Variants in TXNL4A observed in about 807,000 individuals in gnomAD.
The protein encoded by TXNL4A is thioredoxin like 4A.
TXNL4A carries 17 observed loss-of-function variants against 14.6 expected under a neutral mutation model. The observed-to-expected ratio is 1.16, with a 90% CI of 0.80 to 1.74. The LOEUF is 1.74. Among genes scored for constraint, TXNL4A ranks in the 40% most tolerant of loss-of-function variants. The pLI is 0.00. For synonymous variants in TXNL4A, 83 were observed against 70.6 expected (o/e 1.18, Z -0.88); for missense variants, 74 against 195.2 (o/e 0.38, Z 3.70).
rs151206936 is a variant in TXNL4A, at chr18:80,009,273, G to A, written c.-61+24578C>T. On this transcript the variant is annotated intron_variant, in intron 1 of 2. Transcript: ENST00000585474. ...GAATGGAATGGCAGGAGGAAAGTGC[G>A]GACAGCAGTCAGGAAACATCAGTGC... is the stretch of plus-strand genomic sequence containing the variant. Among the ~76,000 whole-genome samples the A allele has an allele frequency of 5.2e-3, 791 of 152,270 alleles. 4 individuals carry two copies. Among genetic ancestry groups the A allele is most frequent in the African/African-American group, 0.018 (729 of 41,542 alleles).
rs570653641 is a variant in TXNL4A at position 80,011,265 on chromosome 18, G to A, written c.-61+22586C>T. ...TTAAAAAGGGATTGTAGCCAACTGG[G>A]ACGGGAGTTTGCATTTTCCCTTAAT... On this transcript the variant is annotated intron_variant, in intron 1 of 2. Coordinates refer to the TXNL4A transcript ENST00000585474. This position sits in a 1 kb window ranked among gnomAD's most constrained non-coding sequence, Gnocchi z 4.1. Among the ~76,000 whole-genome samples the A allele has an allele frequency of 6.6e-6, 1 of 152,324 alleles. No individual in the cohort carries two copies. Among genetic ancestry groups the A allele is most frequent in the African/African-American group, 2.4e-5 (1 of 41,570 alleles).
At chr18:80,019,571 G>A (rs2051835051) in intron 1 of TXNL4A, among the ~76,000 whole-genome samples, 1 of 152,172 alleles carries the variant, frequency 6.6e-6, no homozygotes, top group Non-Finnish European at 1.5e-5. Context: ...GGCAAGGGGT[G>A]GCATTTCTGC....
chr18:80,019,923 G>T (rs989029696), intron 1 of TXNL4A, among the ~76,000 whole-genome samples: 1 of 152,128 alleles, frequency 6.6e-6, no homozygotes, highest in African/African-American at 2.4e-5. Flanking sequence ...TAAAGGTAAA[G>T]CCAGCAGAGG....
At chr18:80,012,822 T>C (rs2051778846) in intron 1 of TXNL4A, among the ~76,000 whole-genome samples, 1 of 152,094 alleles carries the variant, frequency 6.6e-6, no homozygotes, top group African/African-American at 2.4e-5. Context: ...GCAGATTACT[T>C]CCATTAAATT....
intron 1 of TXNL4A, among the ~76,000 whole-genome samples, chr18:79,996,598 A>G (rs893612721): frequency 3.9e-5 from 6 of 152,202 alleles, no homozygotes; most frequent in Non-Finnish European, 8.8e-5. Flanking sequence ...TTTCATCGAA[A>G]GGTGAGCTTC....
intron 1 of TXNL4A, among the ~76,000 whole-genome samples, chr18:79,998,948 G>T (rs4020402): frequency 6.6e-6 from 1 of 152,030 alleles, no homozygotes; most frequent in Non-Finnish European, 1.5e-5. Flanking sequence ...AATGGTATAC[G>T]GATGGGTCTT....
rs193222136 is a variant in TXNL4A, at chr18:80,025,863, C to T, written c.-61+7988G>A. ...CCCAGTAGAGCCACAACAACCAGCACCCCCCAAATCCAGAAGACAGGTGTA... is the reference window on the plus strand; with the variant it reads ...CCCAGTAGAGCCACAACAACCAGCATCCCCCAAATCCAGAAGACAGGTGTA... On this transcript the variant is annotated intron_variant, in intron 1 of 2. Coordinates refer to the TXNL4A transcript ENST00000585474. Among the ~76,000 whole-genome samples, 19 of 152,312 alleles carry T rather than the reference C, an allele frequency of 1.2e-4. 1 individual carries two copies. The East Asian group carries it at 3.7e-3, about 29-fold the overall frequency.
In TXNL4A at chr18:79,971,262, A is replaced by C. The variant is rs982636142; in HGVS notation, c.*2423T>G. 6.6e-6 allele frequency: 1 copy of C among 152,238 alleles called. No homozygotes were observed. Among genetic ancestry groups the C allele is most frequent in the Non-Finnish European group, 1.5e-5 (1 of 68,064 alleles). The allele number at this position is 152,238 out of a possible 1,614,324, so 9.4% of individuals were successfully genotyped here. A position where few individuals can be genotyped will look rare whatever the true frequency, so the allele number is the denominator to read the frequency against. The stretch of plus-strand genomic sequence containing the variant: ...TTTTGGCTTCTGTGTACGAGTTTCT[A>C]TGTGGACATATGCGTTCAATTCTCC... On this transcript the variant is annotated 3_prime_UTR_variant, in exon 3 of 3. Coordinates refer to ENST00000269601, the MANE Select transcript of TXNL4A (RefSeq NM_006701.5).
chr18:80,018,301 C>G (rs1157404613), intron 1 of TXNL4A, among the ~76,000 whole-genome samples: 1 of 152,066 alleles, frequency 6.6e-6, no homozygotes, highest in Non-Finnish European at 1.5e-5. Flanking sequence ...AACAAAGACA[C>G]AACATACCAG....
At chr18:80,030,382 T>C (rs1376071266) in intron 1 of TXNL4A, 3 of 152,256 alleles carry the variant, frequency 2.0e-5, no homozygotes, top group Non-Finnish European at 4.4e-5. Flanking sequence ...TTCACAACCT[T>C]GCTATTATTA....
chr18:80,008,140 T>TA (rs753153286), intron 1 of TXNL4A, among the ~76,000 whole-genome samples: 12 of 152,028 alleles, frequency 7.9e-5, no homozygotes, highest in Admixed American at 2.6e-4. Flanking sequence ...AGATGGAGTC[T>TA]TAAAAAAAAA....
chr18:80,017,757 C>T (rs12969237), intron 1 of TXNL4A, among the ~76,000 whole-genome samples: 70,720 of 149,904 alleles, frequency 0.47, 17,280 homozygotes, highest in East Asian at 0.75. Flanking sequence ...CTGCTGGATT[C>T]GGTTTGCCAG....
intron 1 of TXNL4A, among the ~76,000 whole-genome samples, chr18:80,017,208 A>G (rs960139715): frequency 6.6e-6 from 1 of 151,944 alleles, no homozygotes; most frequent in African/African-American, 2.4e-5. Context: ...TTGTACATTG[A>G]TTTTGTATCC....
At chr18:80,015,026 T>TG (rs889174839) in intron 1 of TXNL4A, among the ~76,000 whole-genome samples, 2 of 152,178 alleles carry the variant, frequency 1.3e-5, no homozygotes, top group African/African-American at 4.8e-5. Flanking sequence ...ACAGCTGGAG[T>TG]GGCTGGGACA....
chr18:80,032,434 C>T (rs2051928172), intron 1 of TXNL4A, among the ~76,000 whole-genome samples: 1 of 152,198 alleles, frequency 6.6e-6, no homozygotes, highest in Admixed American at 6.5e-5. Context: ...GGAACTGGGT[C>T]ACGCAAACCT....
chr18:79,997,222 G>C (rs912031077), intron 1 of TXNL4A, among the ~76,000 whole-genome samples: 1 of 151,886 alleles, frequency 6.6e-6, no homozygotes, highest in Non-Finnish European at 1.5e-5. Flanking sequence ...CTTCCATAAA[G>C]GTAGAGATAA....
At chr18:79,974,726 A>T (rs759089679) in intron 2 of TXNL4A, among the ~76,000 whole-genome samples, 2 of 151,966 alleles carry the variant, frequency 1.3e-5, no homozygotes, top group African/African-American at 2.4e-5. Context: ...TGATCCTCCC[A>T]CCTCGGCCTC....
At position 79,973,273 on chromosome 18, in the gene TXNL4A, C is replaced by CA. The variant is rs1555716872; in HGVS notation, c.*411dup. ...CCTCACGGCCTCAGCAGTGACCCCC[C>CA]ACCCGCGACACCCTGATCTCAGACC... is the stretch of plus-strand genomic sequence containing the variant. On this transcript the variant is annotated 3_prime_UTR_variant, in exon 3 of 3. Coordinates refer to ENST00000269601, the MANE Select transcript of TXNL4A (RefSeq NM_006701.5). 1 of 158,468 alleles carries CA rather than the reference C, an allele frequency of 6.3e-6. No homozygotes were observed. Among genetic ancestry groups the CA allele is most frequent in the African/African-American group, 2.4e-5 (1 of 41,526 alleles). The allele number at this position is 158,468 out of a possible 1,614,324, so 9.8% of individuals were successfully genotyped here. A position where few individuals can be genotyped will look rare whatever the true frequency, so the allele number is the denominator to read the frequency against.
At chr18:80,008,325 G>A (rs1395399299) in intron 1 of TXNL4A, among the ~76,000 whole-genome samples, 2 of 152,100 alleles carry the variant, frequency 1.3e-5, no homozygotes, top group Non-Finnish European at 2.9e-5. Flanking sequence ...TGTGGCACAA[G>A]GCTGGTCAGT....
Sources: gnomAD v4.1 joint callset for allele counts (sites outside exome capture counted in the v4.1 genomes callset) on GRCh38, gnomAD v4.1.1 for gene constraint, Gnocchi (gnomAD v3.1) non-coding constraint, MANE v1.5 for transcripts, NCBI Gene and HGNC (gene_info 2026-07-23, HGNC 2026-07-21) for gene names.